The following CABLES1 variants were observed in gnomAD, a reference collection of about 807,000 sequenced individuals.
CABLES1 encodes the protein CDK5 and ABL1 enzyme substrate 1.
In CABLES1, 36 loss-of-function variants were observed where a neutral mutation model predicts 57.8. The ratio of observed to expected loss-of-function variants is 0.62; its 90% CI spans 0.48 to 0.82. CABLES1 has a LOEUF of 0.82. Ranked by LOEUF, CABLES1 falls within the 40% of genes least tolerant of loss-of-function variation. CABLES1 has a pLI of 0.00. For missense variants in CABLES1, 767 were observed against 836.6 expected, an observed-to-expected ratio of 0.92 and a Z score of 1.03; for synonymous variants, 374 against 363.0, an observed-to-expected ratio of 1.03 and a Z score of -0.35.
At chr18:23,148,386 G>A (rs559069610) in intron 1 of CABLES1, among the ~76,000 whole-genome samples, 356 of 152,206 alleles carry the variant, frequency 2.3e-3, no homozygotes, top group South Asian at 4.2e-3. Context: ...GTGCTACGTG[G>A]GTGCCTTGGC....
At chr18:23,230,550 C>T (rs1237482186) in intron 4 of CABLES1, among the ~76,000 whole-genome samples, 1 of 152,108 alleles carries the variant, frequency 6.6e-6, no homozygotes, top group African/African-American at 2.4e-5. Context: ...GGAGGAAAAG[C>T]GTGGAAAAGT....
chr18:23,230,245 G>A (rs947872689), intron 4 of CABLES1, among the ~76,000 whole-genome samples: 10 of 152,110 alleles, frequency 6.6e-5, no homozygotes, highest in Admixed American at 4.6e-4. Context: ...GGCGGCAGGC[G>A]CCTGTAGTCC....
chr18:23,252,474 A>G (rs909434915), intron 7 of CABLES1, among the ~76,000 whole-genome samples: 6 of 152,242 alleles, frequency 3.9e-5, no homozygotes, highest in Admixed American at 6.5e-5. Context: ...CTTCTCATAC[A>G]GTTCTCAGAA....
chr18:23,246,634 G>A (rs570977636), intron 7 of CABLES1, among the ~76,000 whole-genome samples: 115 of 151,510 alleles, frequency 7.6e-4, no homozygotes, highest in Middle Eastern at 3.4e-3. Context: ...CTTGTGATCC[G>A]CCCACCTTGG....
chr18:23,190,958 T>C (rs1217527608), intron 2 of CABLES1, among the ~76,000 whole-genome samples: 4 of 151,566 alleles, frequency 2.6e-5, no homozygotes, highest in Non-Finnish European at 1.5e-5. Context: ...AAGGTTCTCA[T>C]ATTGGCTGGG....
At position 23,136,394 on chromosome 18, in the gene CABLES1, ACGATGCCTTTATCAG is replaced by A; in HGVS notation, c.635_649del (p.Asp212_Ser216del). On this transcript the variant is annotated inframe_deletion, in exon 1 of 10. Transcript: ENST00000256925. ...GCCGGGCAGGAGGAGTTGGAGGAGG[ACGATGCCTTTATCAG>A]CGTGCAGGTGCCGGCGGCCGCCTTT... 6.3e-7 allele frequency: 1 copy of A among 1,582,424 alleles called. No homozygotes were observed. Among genetic ancestry groups the A allele is most frequent in the Non-Finnish European group, 8.6e-7 (1 of 1,166,362 alleles).
At chr18:23,232,068 A>G (rs989422758) in intron 4 of CABLES1, among the ~76,000 whole-genome samples, 1 of 152,206 alleles carries the variant, frequency 6.6e-6, no homozygotes, top group Non-Finnish European at 1.5e-5. Flanking sequence ...AGTTCGTTAC[A>G]TATCAGACGT....
intron 7 of CABLES1, among the ~76,000 whole-genome samples, chr18:23,240,183 G>A (rs747551925): frequency 2.6e-5 from 4 of 152,126 alleles, no homozygotes. Context: ...CCAGGGGGTA[G>A]GCCTCAAGGA....
intron 4 of CABLES1, among the ~76,000 whole-genome samples, chr18:23,228,280 A>T (rs1185324596): frequency 2.6e-5 from 4 of 152,180 alleles, no homozygotes; most frequent in African/African-American, 4.8e-5. Context: ...ACAGAAGAGG[A>T]AACTAAAAAT....
intron 7 of CABLES1, among the ~76,000 whole-genome samples, chr18:23,242,033 T>G (rs768093637): frequency 6.6e-6 from 1 of 152,180 alleles, no homozygotes; most frequent in Non-Finnish European, 1.5e-5. Flanking sequence ...CCCTGCACTT[T>G]GGAAGGCCGA....
intron 1 of CABLES1, among the ~76,000 whole-genome samples, chr18:23,160,521 C>T (rs1435123495): frequency 6.6e-6 from 1 of 152,134 alleles, no homozygotes; most frequent in Non-Finnish European, 1.5e-5. Flanking sequence ...TCCAGGGTCC[C>T]TTCCTGAAGG....
intron 1 of CABLES1, among the ~76,000 whole-genome samples, chr18:23,137,512 C>G (rs1048726783): frequency 1.3e-5 from 2 of 152,118 alleles, no homozygotes; most frequent in Admixed American, 6.5e-5. Flanking sequence ...TTAATAAGGC[C>G]TCTTGTGAAG....
intron 1 of CABLES1, among the ~76,000 whole-genome samples, chr18:23,172,100 T>A (rs2047086817): frequency 6.6e-6 from 1 of 152,188 alleles, no homozygotes; most frequent in Non-Finnish European, 1.5e-5. Flanking sequence ...TTTTGTGTAT[T>A]TTTTGTAGAG....
intron 7 of CABLES1, among the ~76,000 whole-genome samples, chr18:23,249,734 C>G (rs951779523): frequency 6.6e-6 from 1 of 152,150 alleles, no homozygotes; most frequent in Non-Finnish European, 1.5e-5. Flanking sequence ...GCCTGATTTG[C>G]TGAAGGTGGA....
At chr18:23,193,769 A>G (rs1478400602) in intron 2 of CABLES1, among the ~76,000 whole-genome samples, 1 of 152,232 alleles carries the variant, frequency 6.6e-6, no homozygotes. Flanking sequence ...TGCCAGTCCT[A>G]TAGTACAGGC....
At chr18:23,241,111 T>A (rs1369277774) in intron 7 of CABLES1, among the ~76,000 whole-genome samples, 1 of 152,250 alleles carries the variant, frequency 6.6e-6, no homozygotes, top group Non-Finnish European at 1.5e-5. Context: ...TTTTACCTAT[T>A]CTGAAACTTC....
At chr18:23,164,443 C>T (rs2144980300) in intron 1 of CABLES1, among the ~76,000 whole-genome samples, 1 of 152,246 alleles carries the variant, frequency 6.6e-6, no homozygotes, top group East Asian at 1.9e-4. Context: ...CCAGTGTGTT[C>T]CTTGGTATTT....
At chr18:23,159,610 C>A (rs1352886871) in intron 1 of CABLES1, among the ~76,000 whole-genome samples, 2 of 152,156 alleles carry the variant, frequency 1.3e-5, no homozygotes, top group Non-Finnish European at 2.9e-5. Context: ...TTGATTCTGC[C>A]CGAGGCGACG....
intron 7 of CABLES1, among the ~76,000 whole-genome samples, chr18:23,246,378 A>G (rs940731588): frequency 2.7e-5 from 4 of 150,762 alleles, no homozygotes; most frequent in Admixed American, 2.0e-4. Context: ...AAACCCAGGC[A>G]TTGCAAGTTT....
Sources: gnomAD v4.1 joint callset for allele counts (sites outside exome capture counted in the v4.1 genomes callset) on GRCh38, gnomAD v4.1.1 for gene constraint, MANE v1.5 for transcripts, NCBI Gene and HGNC (gene_info 2026-07-23, HGNC 2026-07-21) for gene names.